SDK1: variants seen among roughly 807,000 people sequenced by gnomAD.
SDK1 encodes sidekick cell adhesion molecule 1.
Under a neutral mutation model 245.5 loss-of-function variants are expected in SDK1, and 157 were observed. That is an observed-to-expected ratio of 0.64 (90% confidence interval 0.56 to 0.73). The LOEUF is 0.73. SDK1 is among the 30% of genes least tolerant of loss of function. The probability of loss-of-function intolerance (pLI) is 0.00; values close to 1 mark genes in which losing one functional copy is unlikely to be tolerated. For synonymous variants in SDK1, 1,647 were observed against 1,278.5 expected (o/e 1.29, Z -6.15); for missense variants, 3,583 against 3,002.3 (o/e 1.19, Z -4.52).
chr7:3,736,429 A>T (rs777265822), intron 4 of SDK1, among the ~76,000 whole-genome samples: 7 of 152,072 alleles, frequency 4.6e-5, no homozygotes, highest in Admixed American at 1.3e-4. Context: ...AGTAGCTGCC[A>T]TGCCCAGCTA....
intron 1 of SDK1, among the ~76,000 whole-genome samples, chr7:3,413,881 G>A (rs530749265): frequency 8.9e-4 from 136 of 152,286 alleles, no homozygotes; most frequent in Middle Eastern, 6.8e-3. Context: ...AGCTACTTGG[G>A]AGGATTGCTT....
chr7:3,696,082 A>T (rs1222393310), intron 4 of SDK1, among the ~76,000 whole-genome samples: 1 of 152,002 alleles, frequency 6.6e-6, no homozygotes, highest in Admixed American at 6.6e-5. Flanking sequence ...TTCTTATGCA[A>T]TACTTGATCC....
At chr7:3,983,376 T>G (rs1783567259) in intron 13 of SDK1, among the ~76,000 whole-genome samples, 1 of 152,096 alleles carries the variant, frequency 6.6e-6, no homozygotes, top group Non-Finnish European at 1.5e-5. Flanking sequence ...CCCCCCAGCC[T>G]ATAGCCCCAC....
chr7:4,013,339 A>G (rs1344742227), intron 16 of SDK1, among the ~76,000 whole-genome samples: 2 of 152,250 alleles, frequency 1.3e-5, no homozygotes, highest in African/African-American at 4.8e-5. Flanking sequence ...GCAGAATTGC[A>G]TAATAATTAT....
At chr7:4,189,190 T>A (rs2128222052) in intron 35 of SDK1, among the ~76,000 whole-genome samples, 1 of 152,308 alleles carries the variant, frequency 6.6e-6, no homozygotes, top group Non-Finnish European at 1.5e-5. Flanking sequence ...TCTGGCACGG[T>A]GCTGCTGGGC....
At chr7:3,733,139 C>T (rs747334419) in intron 4 of SDK1, among the ~76,000 whole-genome samples, 2 of 152,166 alleles carry the variant, frequency 1.3e-5, no homozygotes, top group Non-Finnish European at 2.9e-5. Flanking sequence ...TTGGAAAGAA[C>T]GTTAGGTAAC....
intron 5 of SDK1, among the ~76,000 whole-genome samples, chr7:3,941,061 C>T (rs1780348965): frequency 6.6e-6 from 1 of 152,030 alleles, no homozygotes; most frequent in African/African-American, 2.4e-5. Flanking sequence ...CACTCCCAGA[C>T]CCCCGTCTGT....
chr7:3,472,751 G>A (rs993018541), intron 1 of SDK1, among the ~76,000 whole-genome samples: 9 of 152,326 alleles, frequency 5.9e-5, no homozygotes, highest in African/African-American at 1.9e-4. Flanking sequence ...ACTGAGGCCA[G>A]TGACGTCCTG....
chr7:3,580,968 C>CAAAAAAAAAAAA (rs60617574), intron 1 of SDK1, among the ~76,000 whole-genome samples: 12 of 24,878 alleles, frequency 4.8e-4, no homozygotes, highest in African/African-American at 7.5e-4. Context: ...GACTCCATCT[C>CAAAAAAAAAAAA]AAAAAAAAAA....
chr7:4,000,333 G>A (rs58796834), intron 14 of SDK1, among the ~76,000 whole-genome samples: 1,607 of 152,312 alleles, frequency 0.011, 31 homozygotes, highest in African/African-American at 0.037. Context: ...GCGGCCTGAT[G>A]CTTTTTTGTG....
intron 4 of SDK1, among the ~76,000 whole-genome samples, chr7:3,693,881 G>T (rs7788656): frequency 6.6e-6 from 1 of 151,738 alleles, no homozygotes; most frequent in African/African-American, 2.4e-5. Context: ...TCTCCTTCCT[G>T]CACATTTGTC....
intron 1 of SDK1, among the ~76,000 whole-genome samples, chr7:3,482,972 C>T (rs557047072): frequency 6.6e-6 from 1 of 151,512 alleles, no homozygotes; most frequent in African/African-American, 2.5e-5. Flanking sequence ...TTAATTCTCT[C>T]CTATTAATTG....
In SDK1 at chr7:3,885,034, C is replaced by G. The variant is rs10240770; in HGVS notation, c.847+63451C>G. Among the ~76,000 whole-genome samples, 1,184 of 152,222 alleles carry G rather than the reference C, an allele frequency of 7.8e-3. 18 individuals carry two copies. Among genetic ancestry groups the G allele is most frequent in the African/African-American group, 0.027 (1,123 of 41,550 alleles). ...CCTCCTAGTGTGTCTCCCCCGACCC[C>G]CACCCCGCCCCATCTCTGCCAATAG... On this transcript the variant is annotated intron_variant, in intron 5 of 44. Transcript: ENST00000404826.
At chr7:3,482,994 T>G (rs1381846237) in intron 1 of SDK1, among the ~76,000 whole-genome samples, 1 of 151,502 alleles carries the variant, frequency 6.6e-6, no homozygotes, top group East Asian at 1.9e-4. Context: ...TTTCTCTTGC[T>G]TTGTTAAAAT....
chr7:3,608,635 T>A (rs567259154), intron 1 of SDK1, among the ~76,000 whole-genome samples: 1 of 152,200 alleles, frequency 6.6e-6, no homozygotes, highest in African/African-American at 2.4e-5. Flanking sequence ...ATTTTTTACA[T>A]TGTATAATGA....
chr7:4,030,875 C>A (rs1454350087), intron 17 of SDK1, among the ~76,000 whole-genome samples: 1 of 152,166 alleles, frequency 6.6e-6, no homozygotes, highest in Non-Finnish European at 1.5e-5. Flanking sequence ...CACTGTAGCA[C>A]TATTACACAG....
intron 1 of SDK1, among the ~76,000 whole-genome samples, chr7:3,498,686 A>C (rs764371877): frequency 6.7e-6 from 1 of 150,036 alleles, no homozygotes; most frequent in African/African-American, 2.4e-5. Flanking sequence ...AGCTCTCTGC[A>C]TATTTGTTAC....
intron 4 of SDK1, among the ~76,000 whole-genome samples, chr7:3,644,710 T>A (rs552642088): frequency 7.1e-6 from 1 of 141,556 alleles, no homozygotes; most frequent in Admixed American, 7.7e-5. Flanking sequence ...AAGTTGGAGG[T>A]TGCAGTGAGC....
At chr7:3,734,816 G>A (rs1466732184) in intron 4 of SDK1, among the ~76,000 whole-genome samples, 1 of 152,210 alleles carries the variant, frequency 6.6e-6, no homozygotes, top group African/African-American at 2.4e-5. Context: ...TTATAGTATT[G>A]TTAGGATTAG....
Sources: allele counts gnomAD v4.1 joint callset (sites outside exome capture counted in the v4.1 genomes callset), GRCh38; gene constraint gnomAD v4.1.1; transcripts MANE v1.5; gene names NCBI Gene and HGNC (gene_info 2026-07-23, HGNC 2026-07-21).